SLC8A1: variants seen among roughly 807,000 people sequenced by gnomAD.
SLC8A1 encodes sodium/calcium exchanger 1.
Under a neutral mutation model 68.3 loss-of-function variants are expected in SLC8A1, and 18 were observed. The observed-to-expected ratio is 0.26, with a 90% CI of 0.18 to 0.39. The LOEUF (loss-of-function observed/expected upper bound fraction) is 0.39. Ranked by LOEUF, SLC8A1 falls within the 10% of genes least tolerant of loss-of-function variation. The pLI, the probability that SLC8A1 is intolerant of heterozygous loss-of-function variation, is 1.00. For synonymous variants in SLC8A1, 475 were observed against 415.5 expected (o/e 1.14, Z -1.74); for missense variants, 985 against 1,156.7 (o/e 0.85, Z 2.15).
chr2:40,214,610 T>A (rs2057165633), intron 2 of SLC8A1, among the ~76,000 whole-genome samples: 1 of 148,310 alleles, frequency 6.7e-6, no homozygotes, highest in African/African-American at 2.5e-5. Context: ...CCTGGCTAAT[T>A]TTTTTTTTTT....
chr2:40,170,411 T>C, intron 4 of SLC8A1, 62 bp from the exon 7 acceptor site: 1 of 1,424,112 alleles, frequency 7.0e-7, no homozygotes, highest in Admixed American at 1.7e-5. Context: ...TATCAGAGCT[T>C]TGTGGAATTA....
intron 2 of SLC8A1, among the ~76,000 whole-genome samples, chr2:40,373,000 T>C (rs1256515955): frequency 1.3e-5 from 2 of 151,038 alleles, no homozygotes; most frequent in Non-Finnish European, 1.5e-5. Context: ...AGCCTTGCAA[T>C]CCCCGTCAAA....
intron 2 of SLC8A1, among the ~76,000 whole-genome samples, chr2:40,323,919 A>AT (rs1196626922): frequency 1.3e-5 from 2 of 151,886 alleles, no homozygotes; most frequent in African/African-American, 4.8e-5. Context: ...AATTATAAGA[A>AT]TTTTTTAAAG....
intron 2 of SLC8A1, among the ~76,000 whole-genome samples, chr2:40,335,065 T>C (rs1048913093): frequency 1.3e-5 from 2 of 152,224 alleles, no homozygotes; most frequent in East Asian, 3.8e-4. Flanking sequence ...TGCTCCCATT[T>C]TGTAAACAGT....
In SLC8A1 at chr2:40,430,381, C is replaced by T. The variant is rs1186718891; in HGVS notation, c.-24-77G>A. 2.1e-6 allele frequency: 3 copies of T among 1,402,786 alleles called. No individual in the cohort carries two copies. In the East Asian group the frequency reaches 7.4e-5, roughly 34 times the overall value. The allele number at this position is 1,402,786 out of a possible 1,614,324, so 86.9% of individuals were successfully genotyped here. ...GCTGCAGCCAAAGCATTACTAATTA[C>T]TTATTTTTATTACTCTTACCAAAAT... On this transcript the variant is annotated intron_variant, in intron 1 of 7. Coordinates refer to ENST00000406785, the Ensembl canonical transcript of SLC8A1.
intron 2 of SLC8A1, among the ~76,000 whole-genome samples, chr2:40,185,313 C>G (rs545538608): frequency 1.3e-5 from 2 of 152,244 alleles, no homozygotes; most frequent in Admixed American, 1.3e-4. Context: ...CAGCATTATT[C>G]ATAATAGCCA....
intron 2 of SLC8A1, among the ~76,000 whole-genome samples, chr2:40,212,508 C>T (rs1044935632): frequency 6.6e-6 from 1 of 152,080 alleles, no homozygotes; most frequent in African/African-American, 2.4e-5. Flanking sequence ...TGGTCTGTAT[C>T]TCCTGACCTT....
chr2:40,432,304 G>A (rs1183018527), intron 1 of SLC8A1, among the ~76,000 whole-genome samples: 2 of 151,444 alleles, frequency 1.3e-5, no homozygotes, highest in South Asian at 2.1e-4. Flanking sequence ...TATTCTAATG[G>A]TGGAGGAAAC....
intron 2 of SLC8A1, among the ~76,000 whole-genome samples, chr2:40,357,497 T>A (rs1176873318): frequency 8.7e-5 from 10 of 115,488 alleles, no homozygotes; most frequent in Non-Finnish European, 3.4e-5. Context: ...ACCCTGTCTT[T>A]AAAAAAAAAA....
rs545920721 is a variant in SLC8A1, at chr2:40,218,584, C to T, written c.1809-40729G>A. The stretch of plus-strand genomic sequence containing the variant: ...TAATTTTGCACCAACCTAATATTAT[C>T]GTATATGGAATTTTCTGTATATAAA... On this transcript the variant is annotated intron_variant, in intron 2 of 7. Coordinates refer to ENST00000406785, the Ensembl canonical transcript of SLC8A1. 5.9e-5 allele frequency among the ~76,000 whole-genome samples: 9 copies of T among 151,524 alleles called. No homozygotes were observed. In the South Asian group the frequency reaches 1.3e-3, roughly 21 times the overall value.
At chr2:40,332,368 T>G (rs965005133) in intron 2 of SLC8A1, among the ~76,000 whole-genome samples, 1 of 135,360 alleles carries the variant, frequency 7.4e-6, no homozygotes, top group African/African-American at 2.7e-5. Context: ...TTTACTTCAC[T>G]ACATAATTCA....
chr2:40,398,474 T>C (rs1377204879), intron 2 of SLC8A1, among the ~76,000 whole-genome samples: 2 of 152,232 alleles, frequency 1.3e-5, no homozygotes, highest in Non-Finnish European at 2.9e-5. Context: ...AATTTCATTA[T>C]AAAAAGCAGA....
chr2:40,316,038 G>A (rs924820406), intron 2 of SLC8A1, among the ~76,000 whole-genome samples: 4 of 152,018 alleles, frequency 2.6e-5, no homozygotes, highest in South Asian at 2.1e-4. Context: ...GCAAAAAAAC[G>A]TGATATGAAA....
At chr2:40,341,679 C>T (rs927577013) in intron 2 of SLC8A1, among the ~76,000 whole-genome samples, 2 of 152,148 alleles carry the variant, frequency 1.3e-5, no homozygotes, top group African/African-American at 2.4e-5. Flanking sequence ...AATGTACCTG[C>T]TTCTCAAGGC....
exon 2 of SLC8A1, chr2:40,430,194 A>T: frequency 6.2e-7 from 1 of 1,613,638 alleles, no homozygotes; most frequent in East Asian, 2.2e-5. Flanking sequence ...CATGGTCCAC[A>T]TGGGAAAATA....
In SLC8A1 at chr2:40,386,517, T is replaced by C. The variant is rs1057147078; in HGVS notation, c.1808+41956A>G. 6.7e-5 allele frequency among the ~76,000 whole-genome samples: 7 copies of C among 103,862 alleles called. No homozygotes were observed. In the Admixed American group the frequency reaches 7.0e-4, roughly 10 times the overall value. 68.1% of individuals were successfully genotyped at this position (103,862 alleles called of 152,430 possible). A position where few individuals can be genotyped will look rare whatever the true frequency, so the allele number is the denominator to read the frequency against. ...AGCTATTTTAGATCAGGATTTTTAT[T>C]TAACATCAAGTAAATGAAAAAAGAG... On this transcript the variant is annotated intron_variant, in intron 2 of 7. Transcript: ENST00000406785.
chr2:40,305,242 G>C (rs2072345239), intron 2 of SLC8A1, among the ~76,000 whole-genome samples: 2 of 152,298 alleles, frequency 1.3e-5, no homozygotes, highest in East Asian at 3.9e-4. Flanking sequence ...GGATGACCAT[G>C]ACACAGTCCC....
At chr2:40,464,036 A>C (rs1703510067) in intron 1 of SLC8A1, among the ~76,000 whole-genome samples, 1 of 152,126 alleles carries the variant, frequency 6.6e-6, no homozygotes, top group Non-Finnish European at 1.5e-5. Flanking sequence ...CTGGGATTAC[A>C]GGTGCATGCC....
chr2:40,435,294 T>G lies in SLC8A1; in HGVS notation c.-24-4990A>C, dbSNP rs544562912. Among the ~76,000 whole-genome samples the G allele has an allele frequency of 1.2e-4, 18 of 152,270 alleles. No homozygotes were observed. The South Asian group carries it at 3.5e-3, about 30-fold the overall frequency. On this transcript the variant is annotated intron_variant, in intron 1 of 7. Transcript: ENST00000406785. ...ACCAAGGCAAGCACTTCCAAATGTT[T>G]CTAGACAAAGAGATGATGCCAGAGG...
Sources: gnomAD v4.1 joint callset for allele counts (sites outside exome capture counted in the v4.1 genomes callset) on GRCh38, gnomAD v4.1.1 for gene constraint, MANE v1.5 for transcripts, NCBI Gene and HGNC (gene_info 2026-07-23, HGNC 2026-07-21) for gene names.